ENPEP: variants seen among roughly 807,000 people sequenced by gnomAD.
ENPEP encodes the protein AP-A.
In ENPEP, 103 loss-of-function variants were observed where a neutral mutation model predicts 114.5. The ratio of observed to expected loss-of-function variants is 0.90; its 90% confidence interval spans 0.77 to 1.06. The LOEUF is 1.06. Ranked by LOEUF, ENPEP falls within the 50% of genes least tolerant of loss-of-function variation. ENPEP has a pLI of 0.00. For missense variants in ENPEP, 1,196 were observed against 1,161.3 expected (o/e 1.03, Z -0.43); for synonymous variants, 420 against 422.0 (o/e 1.00, Z 0.06).
intron 8 of ENPEP, among the ~76,000 whole-genome samples, chr4:110,516,827 T>G (rs887208699): frequency 2.6e-5 from 4 of 152,220 alleles, no homozygotes; most frequent in African/African-American, 9.6e-5. Context: ...GTAGAGACAT[T>G]AGGTGCAAAG....
intron 17 of ENPEP, among the ~76,000 whole-genome samples, chr4:110,550,170 G>A (rs1038225121): frequency 6.6e-6 from 1 of 152,110 alleles, no homozygotes; most frequent in Non-Finnish European, 1.5e-5. Flanking sequence ...TTCAATGATC[G>A]ACATGTTGGA....
rs1727613445 is a variant in ENPEP at position 110,559,704 on chromosome 4, C to T, written c.2700C>T (p.Asn900=). Residue 900 remains asparagine (N), a synonymous_variant, in exon 19 of 20, where the codon AAC becomes AAT. Transcript: ENST00000265162. ...TTGTCACAATAGCAGAGCCATTCAA[C>T]ACTGAACTGCAACTGTGGCAGGTAT... The part of the protein sequence containing the change: ...GRIVTIAEPF[N]TELQLWQMES... 6.2e-7 allele frequency: 1 copy of T among 1,613,632 alleles called. No individual in the cohort carries two copies. The highest frequency in any genetic ancestry group is 8.5e-7 in the Non-Finnish European group (1 of 1,179,564).
chr4:110,485,860 A>G (rs1724482319), intron 1 of ENPEP, among the ~76,000 whole-genome samples: 1 of 151,786 alleles, frequency 6.6e-6, no homozygotes, highest in African/African-American at 2.4e-5. Flanking sequence ...CACAGAAGTG[A>G]TGTGTCTCTC....
chr4:110,519,103 A>C (rs1291174764), intron 8 of ENPEP: 2 of 455,690 alleles, frequency 4.4e-6, no homozygotes, highest in Non-Finnish European at 8.8e-6. Context: ...CAAGAAGTGA[A>C]TTAACCAAAA....
At chr4:110,552,329 T>G (rs17041900) in intron 17 of ENPEP, among the ~76,000 whole-genome samples, 25,454 of 152,194 alleles carry the variant, frequency 0.17, 2,263 homozygotes, top group East Asian at 0.25. Context: ...AGCTTGAGTT[T>G]TCTCCAGTCT....
At chr4:110,554,324 T>C (rs1727394540) in intron 18 of ENPEP, among the ~76,000 whole-genome samples, 1 of 152,046 alleles carries the variant, frequency 6.6e-6, no homozygotes, top group Non-Finnish European at 1.5e-5. Flanking sequence ...TTATAACTTT[T>C]AATTATTTTC....
In ENPEP at chr4:110,515,334, A is replaced by G. The variant is rs752447949; in HGVS notation, c.1444-43A>G. The G allele has an allele frequency of 8.7e-6, 13 of 1,498,736 alleles. No individual in the cohort carries two copies. In the African/African-American group the frequency reaches 1.7e-4, roughly 19 times the overall value. The allele number at this position is 1,498,736 out of a possible 1,614,324, so 92.8% of individuals were successfully genotyped here. A position where few individuals can be genotyped will look rare whatever the true frequency, so the allele number is the denominator to read the frequency against. On this transcript the variant is annotated intron_variant, in intron 7 of 19. Transcript: ENST00000265162. ...GTAATAACTGATCATTGTTCCTTAC[A>G]TAGCCTTTATTAGTTTCATTTGTCT...
chr4:110,540,284 A>G (rs1409279718), intron 11 of ENPEP, among the ~76,000 whole-genome samples: 1 of 152,150 alleles, frequency 6.6e-6, no homozygotes, highest in Non-Finnish European at 1.5e-5. Flanking sequence ...GCATGTGTGC[A>G]TATAGAAGAT....
At chr4:110,559,836 T>TA (rs1727619811) in intron 19 of ENPEP, 111 bp downstream of exon 19, 1 of 800,804 alleles carries the variant, frequency 1.2e-6, no homozygotes, top group Admixed American at 2.2e-5. Flanking sequence ...GCAGGTTTGT[T>TA]ACGTAGGTAT....
chr4:110,493,866 C>G (rs1360621417), intron 3 of ENPEP, among the ~76,000 whole-genome samples: 1 of 152,106 alleles, frequency 6.6e-6, no homozygotes, highest in Non-Finnish European at 1.5e-5. Context: ...GCCTCAGAGT[C>G]CTACATTCTT....
chr4:110,541,570 G>A (rs749309498), intron 11 of ENPEP, among the ~76,000 whole-genome samples: 9 of 152,092 alleles, frequency 5.9e-5, no homozygotes, highest in Middle Eastern at 6.8e-3. Context: ...CGCTAGAATC[G>A]CCTCCAAAAT....
chr4:110,515,611 T>A, intron 8 of ENPEP, 169 bp downstream of exon 8: 1 of 631,912 alleles, frequency 1.6e-6, no homozygotes. Context: ...ATTGAGTACC[T>A]ACATTGTATC....
rs1464682814 is a variant in ENPEP at position 110,513,569 on chromosome 4, G to A, written c.1443+20G>A. 2.5e-6 allele frequency: 4 copies of A among 1,610,062 alleles called. No homozygotes were observed. Among genetic ancestry groups the A allele is most frequent in the Admixed American group, 1.7e-5 (1 of 59,444 alleles). On this transcript the variant is annotated intron_variant, in intron 7 of 19. Coordinates refer to ENST00000265162, the MANE Select transcript of ENPEP (RefSeq NM_001977.4). ...AGCAAGGTGGGAGAAATAGAACATT[G>A]TTTTGAACATCTTCCTGTTTAGTGA...
At chr4:110,484,734 TA>T (rs1724437701) in intron 1 of ENPEP, among the ~76,000 whole-genome samples, 1 of 142,076 alleles carries the variant, frequency 7.0e-6, no homozygotes, top group Non-Finnish European at 1.5e-5. Flanking sequence ...GAATATATAT[TA>T]TATATATTAT....
chr4:110,522,189 C>CT (rs539673220), intron 10 of ENPEP, among the ~76,000 whole-genome samples: 3,449 of 144,370 alleles, frequency 0.024, 96 homozygotes, highest in African/African-American at 0.067. Context: ...AGATAGGATT[C>CT]TTTTTTTTTT....
chr4:110,477,799 CATACAAATATTTGT>C (rs1560548636), intron 1 of ENPEP, among the ~76,000 whole-genome samples: 1 of 152,162 alleles, frequency 6.6e-6, no homozygotes, highest in Non-Finnish European at 1.5e-5. Context: ...TAGTTAAATA[CATACAAATATTTGT>C]ATACAAATAT....
intron 18 of ENPEP, among the ~76,000 whole-genome samples, chr4:110,557,399 C>A (rs1201844635): frequency 6.6e-6 from 1 of 152,146 alleles, no homozygotes; most frequent in Non-Finnish European, 1.5e-5. Context: ...AGAATGATGG[C>A]ATGGCTTGGA....
chr4:110,515,572 C>T, intron 8 of ENPEP, 130 bp downstream of exon 8: 2 of 734,292 alleles, frequency 2.7e-6, no homozygotes, highest in Non-Finnish European at 4.6e-6. Context: ...GATAATATAG[C>T]AAAAGATAAA....
In ENPEP at chr4:110,476,286, G is replaced by A. The variant is rs1438365276; in HGVS notation, c.-129G>A. On this transcript the variant is annotated 5_prime_UTR_variant, in exon 1 of 20. Coordinates refer to ENST00000265162, the MANE Select transcript of ENPEP (RefSeq NM_001977.4). ...AAAAGGCGCAAGAAGCCAGAGAGAG[G>A]GGTGTGGGAAAAGCGAAAACAGGCT... 1 of 1,128,772 alleles carries A rather than the reference G, an allele frequency of 8.9e-7. No homozygotes were observed. Among genetic ancestry groups the A allele is most frequent in the East Asian group, 2.4e-5 (1 of 41,218 alleles). The allele number at this position is 1,128,772 out of a possible 1,614,324, so 69.9% of individuals were successfully genotyped here.
Sources: gnomAD v4.1 joint callset for allele counts (sites outside exome capture counted in the v4.1 genomes callset) on GRCh38, gnomAD v4.1.1 for gene constraint, MANE v1.5 for transcripts, NCBI Gene and HGNC (gene_info 2026-07-23, HGNC 2026-07-21) for gene names.